Variants in C19orf47 observed in about 807,000 individuals in gnomAD.
C19orf47 encodes chromosome 19 open reading frame 47, also known as uncharacterized protein C19orf47.
Under a neutral mutation model 32.3 loss-of-function variants are expected in C19orf47, and 18 were observed. That is an observed-to-expected ratio of 0.56 (90% CI 0.39 to 0.83). The LOEUF is 0.83. C19orf47 is among the 40% of genes least tolerant of loss of function. The pLI is 0.00. For missense variants in C19orf47, 484 were observed against 531.6 expected, an observed-to-expected ratio of 0.91 and a Z score of 0.88; for synonymous variants, 202 against 211.1, an observed-to-expected ratio of 0.96 and a Z score of 0.37.
At chr19:40,341,989 T>C in intron 1 of C19orf47, 99 bp from the exon 2 acceptor site, 4 of 1,526,274 alleles carry the variant, frequency 2.6e-6, no homozygotes, top group Non-Finnish European at 3.5e-6. Flanking sequence ...GGAATGTTCC[T>C]GGGCTAGGGG....
the C19orf47 span, among the ~76,000 whole-genome samples, chr19:40,305,101 G>C: frequency 1.3e-5 from 2 of 152,178 alleles, no homozygotes; most frequent in East Asian, 3.9e-4. Flanking sequence ...CCAGCACTTT[G>C]GGAGGCAAAG....
At chr19:40,323,928 T>C in intron 8 of C19orf47, 78 bp downstream of exon 8, 2 of 1,548,546 alleles carry the variant, frequency 1.3e-6, no homozygotes, top group African/African-American at 1.4e-5. Context: ...GAGGTTGAGA[T>C]GTGTTAAAGA....
At chr19:40,334,454 T>TAAATAATAAACA (rs2078018524) in intron 4 of C19orf47, among the ~76,000 whole-genome samples, 1 of 148,622 alleles carries the variant, frequency 6.7e-6, no homozygotes, top group Admixed American at 6.7e-5. Context: ...GTCTCCAAAA[T>TAAATAATAAACA]AGGTGAAAGA....
At chr19:40,311,886 AC>A in the C19orf47 span, among the ~76,000 whole-genome samples, 1 of 152,056 alleles carries the variant, frequency 6.6e-6, no homozygotes, top group South Asian at 2.1e-4. Flanking sequence ...GGAACTCCTG[AC>A]CTCAAGTGAT....
chr19:40,293,937 T>A, the C19orf47 span, among the ~76,000 whole-genome samples: 7 of 152,026 alleles, frequency 4.6e-5, no homozygotes, highest in East Asian at 1.4e-3. Context: ...CTGATTAACA[T>A]GGTAAAACCC....
intron 6 of C19orf47, 111 bp downstream of exon 6, chr19:40,328,302 T>C: frequency 2.7e-6 from 4 of 1,458,344 alleles, no homozygotes; most frequent in Non-Finnish European, 3.7e-6. Context: ...ATGTTTTGTA[T>C]ACCTTGTGGC....
chr19:40,328,095 G>A (rs2077870325), intron 6 of C19orf47, among the ~76,000 whole-genome samples: 1 of 152,120 alleles, frequency 6.6e-6, no homozygotes, highest in South Asian at 2.1e-4. Context: ...CAAGTAGGGG[G>A]CTCGGTGAAG....
chr19:40,348,320 T>A lies in C19orf47; in HGVS notation c.-34+4A>T. 5.4e-6 allele frequency: 7 copies of A among 1,288,972 alleles called. No homozygotes were observed. The highest frequency in any genetic ancestry group is 6.9e-6 in the Non-Finnish European group (7 of 1,017,878). 79.8% of individuals were successfully genotyped at this position (1,288,972 alleles called of 1,614,324 possible). Reference sequence around the variant, plus strand: ...AGTCCCACCACCCCCGGCCCGCGCCTCACCTGGCCCACCGGGCCCGCGCCC... The same window carrying A: ...AGTCCCACCACCCCCGGCCCGCGCCACACCTGGCCCACCGGGCCCGCGCCC... On this transcript the variant is annotated splice_donor_region_variant and intron_variant, in intron 1 of 8. Coordinates refer to ENST00000683109, the MANE Select transcript of C19orf47 (RefSeq NM_001256441.2).
chr19:40,303,803 GAAAAAA>G, the C19orf47 span, among the ~76,000 whole-genome samples: 1 of 45,336 alleles, frequency 2.2e-5, no homozygotes, highest in Non-Finnish European at 3.8e-5. Context: ...GACTTTGTCT[GAAAAAA>G]AAAAAAAAAA....
chr19:40,341,866 TG>T lies in C19orf47; in HGVS notation c.-10del. 6.5e-7 allele frequency: 1 copy of T among 1,536,218 alleles called. No individual in the cohort carries two copies. The highest frequency in any genetic ancestry group is 1.2e-5 in the South Asian group (1 of 84,058). Reference sequence around the variant, plus strand: ...ATAGTCACGGAGACCATCGTCTCCCTGGCCCTGACACTGCTCCCTGGAGCCT... The same window carrying T: ...ATAGTCACGGAGACCATCGTCTCCCTGCCCTGACACTGCTCCCTGGAGCCT... On this transcript the variant is annotated 5_prime_UTR_variant, in exon 2 of 9. Coordinates refer to ENST00000683109, the MANE Select transcript of C19orf47 (RefSeq NM_001256441.2).
chr19:40,339,346 G>A (rs138044215), intron 2 of C19orf47, among the ~76,000 whole-genome samples: 1 of 152,208 alleles, frequency 6.6e-6, no homozygotes, highest in East Asian at 1.9e-4. Context: ...ATTAAGTTGT[G>A]CAATGATGTG....
At chr19:40,303,876 T>C in the C19orf47 span, among the ~76,000 whole-genome samples, 5 of 149,860 alleles carry the variant, frequency 3.3e-5, no homozygotes, top group African/African-American at 9.9e-5. Context: ...AAAATCTGTG[T>C]CAAATTATCA....
the C19orf47 span, among the ~76,000 whole-genome samples, chr19:40,293,856 C>T: frequency 5.9e-5 from 9 of 152,024 alleles, no homozygotes; most frequent in Non-Finnish European, 1.3e-4. Context: ...CGCAGCGGCT[C>T]ATGCCTATAA....
Position 40,344,620 on chromosome 19 carries a change from G to A in C19orf47, c.-33-2730C>T, listed in dbSNP as rs182778234. On this transcript the variant is annotated intron_variant, in intron 1 of 8. Coordinates refer to ENST00000683109, the MANE Select transcript of C19orf47 (RefSeq NM_001256441.2). ...GACCAGCGCCAAGCATCATGCAGATGCATCCCAACAGCTCAGCAAGTGAGG... is the reference window on the plus strand; with the variant it reads ...GACCAGCGCCAAGCATCATGCAGATACATCCCAACAGCTCAGCAAGTGAGG... 7.9e-5 allele frequency among the ~76,000 whole-genome samples: 12 copies of A among 152,284 alleles called. No individual in the cohort carries two copies. The East Asian group carries it at 2.3e-3, about 29-fold the overall frequency.
chr19:40,347,637 G>A (rs1442901694), intron 1 of C19orf47, among the ~76,000 whole-genome samples: 1 of 152,098 alleles, frequency 6.6e-6, no homozygotes, highest in Non-Finnish European at 1.5e-5. Context: ...AAAAAAACTA[G>A]TACTTCAGGA....
chr19:40,335,270 G>A (rs958231919), intron 4 of C19orf47, among the ~76,000 whole-genome samples: 2 of 152,212 alleles, frequency 1.3e-5, no homozygotes, highest in African/African-American at 4.8e-5. Flanking sequence ...CACTATAAGT[G>A]GAGGGGTCAA....
At chr19:40,302,452 C>T in the C19orf47 span, among the ~76,000 whole-genome samples, 2 of 151,978 alleles carry the variant, frequency 1.3e-5, no homozygotes, top group African/African-American at 4.8e-5. Flanking sequence ...CGTGTGCCAC[C>T]ACGTCTGATT....
chr19:40,318,811 CCAGTGCCTGGGACACTGCATGACACA>C (rs2077680345), downstream of C19orf47, among the ~76,000 whole-genome samples: 2 of 152,126 alleles, frequency 1.3e-5, no homozygotes, highest in African/African-American at 4.8e-5. Flanking sequence ...CACCCCATCC[CCAGTGCCTGGGACACTGCATGACACA>C]CAGTCAGCCC....
At chr19:40,346,154 TC>T (rs2078273509) in intron 1 of C19orf47, among the ~76,000 whole-genome samples, 1 of 121,304 alleles carries the variant, frequency 8.2e-6, no homozygotes. Context: ...AGACTCCATC[TC>T]AAAAAAAAAA....
Sources: allele counts gnomAD v4.1 joint callset (sites outside exome capture counted in the v4.1 genomes callset), GRCh38; gene constraint gnomAD v4.1.1; transcripts MANE v1.5; gene names NCBI Gene and HGNC (gene_info 2026-07-23, HGNC 2026-07-21).